UBAP1: variants seen among roughly 807,000 people sequenced by gnomAD.
UBAP1 encodes ubiquitin associated protein 1.
A neutral mutation model predicts 39.0 loss-of-function variants in UBAP1; 5 were observed. The ratio of observed to expected loss-of-function variants is 0.13; its 90% CI spans 0.07 to 0.27. UBAP1 has a LOEUF of 0.27. Among genes scored for constraint, UBAP1 ranks in the 10% least tolerant of loss-of-function variants. The pLI, the probability that UBAP1 is intolerant of heterozygous loss-of-function variation, is 1.00. For missense variants in UBAP1, 490 were observed against 608.1 expected (o/e 0.81, Z 2.04); for synonymous variants, 211 against 225.1 (o/e 0.94, Z 0.56).
chr9:34,231,260 T>C (rs930903055), intron 2 of UBAP1, among the ~76,000 whole-genome samples: 1 of 151,918 alleles, frequency 6.6e-6, no homozygotes, highest in African/African-American at 2.4e-5. Context: ...AGTTTCACTC[T>C]TGTTGCCCAG....
chr9:34,184,255 T>G (rs1587777175), intron 1 of UBAP1, among the ~76,000 whole-genome samples: 1 of 152,058 alleles, frequency 6.6e-6, no homozygotes. Context: ...AGTAGCAAGA[T>G]TCACAAAGGA....
At chr9:34,182,655 CTTTCTTTCTTTCTTTCTTTCTT>C (rs1563881119) in intron 1 of UBAP1, among the ~76,000 whole-genome samples, 6 of 60,602 alleles carry the variant, frequency 9.9e-5, no homozygotes, top group African/African-American at 1.3e-4. Context: ...TTCTTTCTTT[CTTTCTTTCTTTCTTTCTTTCTT>C]TCTTTCTCTC....
intron 1 of UBAP1, among the ~76,000 whole-genome samples, chr9:34,197,516 T>C (rs1831135101): frequency 6.6e-6 from 1 of 152,106 alleles, no homozygotes; most frequent in African/African-American, 2.4e-5. Context: ...TTTGGCATTT[T>C]ATTAGTTTTC....
intron 1 of UBAP1, among the ~76,000 whole-genome samples, chr9:34,190,633 CTTTTTTT>C (rs563281159): frequency 8.5e-5 from 11 of 129,468 alleles, no homozygotes; most frequent in Admixed American, 1.6e-4. Context: ...TTCTTTCTTT[CTTTTTTT>C]TTTTTTTTTT....
At chr9:34,237,133 C>T (rs1451294470) in intron 3 of UBAP1, among the ~76,000 whole-genome samples, 1 of 152,164 alleles carries the variant, frequency 6.6e-6, no homozygotes, top group East Asian at 1.9e-4. Context: ...TAGAAATGTA[C>T]TGAGTTACTC....
At chr9:34,228,580 C>CCT (rs1491111929) in intron 2 of UBAP1, among the ~76,000 whole-genome samples, 3 of 136,640 alleles carry the variant, frequency 2.2e-5, no homozygotes, top group African/African-American at 3.0e-5. Flanking sequence ...CCCCCCCCCC[C>CCT]TTTTTTTTTT....
At chr9:34,204,779 T>C (rs546158212) in intron 1 of UBAP1, among the ~76,000 whole-genome samples, 16 of 152,134 alleles carry the variant, frequency 1.1e-4, no homozygotes, top group Admixed American at 2.6e-4. Context: ...TGAATTGTGA[T>C]ATGATTTTTG....
In UBAP1 at chr9:34,223,068, A is replaced by G. The variant is rs541089088; in HGVS notation, c.34+2120A>G. ...CACATGTTTTGTGTTTCAACTGAACATTCCAGAGAGAAGATTATAATTCTG... is the reference window on the plus strand; with the variant it reads ...CACATGTTTTGTGTTTCAACTGAACGTTCCAGAGAGAAGATTATAATTCTG... On this transcript the variant is annotated intron_variant, in intron 2 of 6. Coordinates refer to ENST00000297661, the MANE Select transcript of UBAP1 (RefSeq NM_016525.5). Among the ~76,000 whole-genome samples, 13 of 152,348 alleles carry G rather than the reference A, an allele frequency of 8.5e-5. No homozygotes were observed. In the South Asian group the frequency reaches 1.0e-3, roughly 12 times the overall value.
intron 1 of UBAP1, among the ~76,000 whole-genome samples, chr9:34,208,763 G>A (rs550282030): frequency 1.3e-4 from 14 of 106,274 alleles, no homozygotes; most frequent in Non-Finnish European, 2.5e-4. Flanking sequence ...GGGCGACAGA[G>A]TGAGACTCTG....
intron 1 of UBAP1, among the ~76,000 whole-genome samples, chr9:34,185,197 G>A (rs1222968162): frequency 6.6e-6 from 1 of 152,164 alleles, no homozygotes; most frequent in East Asian, 1.9e-4. Context: ...GCCTCCCAAA[G>A]TGCTGGGATT....
At chr9:34,210,735 T>A (rs926872773) in intron 1 of UBAP1, among the ~76,000 whole-genome samples, 3 of 10,950 alleles carry the variant, frequency 2.7e-4, no homozygotes, top group South Asian at 0.014. Flanking sequence ...AAAAAAAAAA[T>A]TTTTTTTTTT....
At position 34,250,771 on chromosome 9, in the gene UBAP1, C is replaced by T; in HGVS notation, c.1368+12C>T. The T allele has an allele frequency of 1.2e-6, 2 of 1,608,524 alleles. No homozygotes were observed. Among genetic ancestry groups the T allele is most frequent in the Non-Finnish European group, 1.7e-6 (2 of 1,175,318 alleles). On this transcript the variant is annotated intron_variant, in intron 6 of 6. Transcript: ENST00000297661. ...GTTCAGAAGAAAAGGTGGGAATCTT[C>T]ATGTTTCTTGGGAACCCTCTGGAAA... is the stretch of plus-strand genomic sequence containing the variant.
intron 3 of UBAP1, among the ~76,000 whole-genome samples, chr9:34,235,297 G>GTA (rs772745740): frequency 1.4e-3 from 183 of 133,460 alleles, no homozygotes; most frequent in African/African-American, 3.4e-3. Flanking sequence ...GTGTATATGT[G>GTA]TATATATATA....
intron 1 of UBAP1, among the ~76,000 whole-genome samples, chr9:34,180,827 T>TC (rs1829975750): frequency 6.6e-6 from 1 of 151,924 alleles, no homozygotes. Flanking sequence ...TTTATTTTTT[T>TC]CCAGAGGGAG....
chr9:34,214,514 A>G (rs1305204161), intron 1 of UBAP1, among the ~76,000 whole-genome samples: 1 of 152,148 alleles, frequency 6.6e-6, no homozygotes, highest in Non-Finnish European at 1.5e-5. Flanking sequence ...TTAAGGACTT[A>G]ACGACCTGAA....
At chr9:34,226,185 G>A (rs1430615668) in intron 2 of UBAP1, among the ~76,000 whole-genome samples, 2 of 141,182 alleles carry the variant, frequency 1.4e-5, no homozygotes, top group Admixed American at 7.3e-5. Context: ...CTTGAGGCCA[G>A]GAGTTTGAGA....
intron 1 of UBAP1, among the ~76,000 whole-genome samples, chr9:34,217,656 A>C (rs900351308): frequency 6.6e-6 from 1 of 150,658 alleles, no homozygotes; most frequent in African/African-American, 2.4e-5. Flanking sequence ...TGCCTTTATG[A>C]GATAAACTTT....
chr9:34,246,368 A>T (rs10972021), intron 4 of UBAP1, among the ~76,000 whole-genome samples: 18,820 of 152,276 alleles, frequency 0.12, 1,516 homozygotes, highest in Non-Finnish European at 0.18. Flanking sequence ...TCCTGGCCTT[A>T]GTTTGTTTAT....
chr9:34,208,722 G>C (rs1005373749), intron 1 of UBAP1, among the ~76,000 whole-genome samples: 3 of 149,014 alleles, frequency 2.0e-5, no homozygotes, highest in African/African-American at 7.4e-5. Context: ...AGTTTGCAGT[G>C]AGCCGAGATG....
Sources: allele counts gnomAD v4.1 joint callset (sites outside exome capture counted in the v4.1 genomes callset), GRCh38; gene constraint gnomAD v4.1.1; transcripts MANE v1.5; gene names NCBI Gene and HGNC (gene_info 2026-07-23, HGNC 2026-07-21).